The following LRP1B variants were observed in gnomAD, a reference collection of about 807,000 sequenced individuals.
LRP1B encodes low-density lipoprotein receptor-related protein 1B.
In LRP1B, 217 loss-of-function variants were observed where a neutral mutation model predicts 556.6. The observed-to-expected ratio is 0.39, with a 90% CI of 0.35 to 0.44. The LOEUF (loss-of-function observed/expected upper bound fraction) is 0.44. LRP1B is among the 20% of genes least tolerant of loss of function. LRP1B has a pLI of 1.00. For synonymous variants in LRP1B, 2,047 were observed against 1,865.8 expected, an observed-to-expected ratio of 1.10 and a Z score of -2.50; for missense variants, 5,053 against 5,620.8, an observed-to-expected ratio of 0.90 and a Z score of 3.23.
chr2:141,765,127 C>T (rs1046011667), intron 2 of LRP1B, among the ~76,000 whole-genome samples: 4 of 141,042 alleles, frequency 2.8e-5, no homozygotes, highest in South Asian at 2.3e-4. Flanking sequence ...GGAAAGAATT[C>T]GCAAGTAGGT....
At position 140,744,554 on chromosome 2, in the gene LRP1B, C is replaced by A. The variant is rs1025761190; in HGVS notation, c.5758+24659G>T. Among the ~76,000 whole-genome samples the A allele has an allele frequency of 1.2e-4, 19 of 152,200 alleles. 1 individual carries two copies. Among genetic ancestry groups the A allele is most frequent in the Admixed American group, 1.2e-3 (19 of 15,276 alleles). ...GCTCACAGAGCGGCAATTTACTTGT[C>A]TCCTTAGTTCATATCAACATGCTTC... On this transcript the variant is annotated intron_variant, in intron 35 of 90. Coordinates refer to ENST00000389484, the MANE Select transcript of LRP1B (RefSeq NM_018557.3).
At chr2:141,955,259 T>C (rs1241747007) in intron 1 of LRP1B, among the ~76,000 whole-genome samples, 2 of 152,150 alleles carry the variant, frequency 1.3e-5, no homozygotes, top group South Asian at 2.1e-4. Flanking sequence ...TCATTCATCA[T>C]CTCCCTGAAT....
intron 3 of LRP1B, among the ~76,000 whole-genome samples, chr2:141,269,914 T>C (rs976253618): frequency 2.0e-5 from 3 of 151,972 alleles, no homozygotes; most frequent in Non-Finnish European, 4.4e-5. Context: ...AAAGGAATGA[T>C]ATGACAACAG....
Position 142,130,884 on chromosome 2 carries a change from A to G in LRP1B, c.-155T>C, listed in dbSNP as rs766616403. 4.3e-6 allele frequency: 3 copies of G among 694,756 alleles called. No individual in the cohort carries two copies. Among genetic ancestry groups the G allele is most frequent in the Non-Finnish European group, 7.8e-6 (3 of 385,424 alleles). The allele number at this position is 694,756 out of a possible 1,614,324, so 43.0% of individuals were successfully genotyped here. On this transcript the variant is annotated 5_prime_UTR_variant, in exon 1 of 91. Transcript: ENST00000389484. ...ATTCTTCAGCTCAATGAGTCCAGCC[A>G]GTCAGCCTTCTCCTGCCTGGAGCAG... is the stretch of plus-strand genomic sequence containing the variant.
rs868774549 is a variant in LRP1B at position 140,705,560 on chromosome 2, A to C, written c.6024-3007T>G. On this transcript the variant is annotated intron_variant, in intron 37 of 90. Coordinates refer to ENST00000389484, the MANE Select transcript of LRP1B (RefSeq NM_018557.3). ...AAAAAAAAAAAAAAAAAAAAAAAAAACACAGACACACACAGAAAACAAAAT... is the reference window on the plus strand; with the variant it reads ...AAAAAAAAAAAAAAAAAAAAAAAAACCACAGACACACACAGAAAACAAAAT... 3.2e-3 allele frequency among the ~76,000 whole-genome samples: 436 copies of C among 137,974 alleles called. 5 individuals carry two copies. Among genetic ancestry groups the C allele is most frequent in the African/African-American group, 0.012 (422 of 36,536 alleles). The allele number at this position is 137,974 out of a possible 152,430, so 90.5% of individuals were successfully genotyped here.
chr2:141,902,075 A>T (rs938014083), intron 1 of LRP1B, among the ~76,000 whole-genome samples: 14 of 147,474 alleles, frequency 9.5e-5, no homozygotes, highest in African/African-American at 3.5e-4. Flanking sequence ...AAAAAATTAT[A>T]GTTAAAATTT....
chr2:140,922,420 A>G (rs1355279065), intron 21 of LRP1B, among the ~76,000 whole-genome samples: 1 of 151,996 alleles, frequency 6.6e-6, no homozygotes, highest in African/African-American at 2.4e-5. Flanking sequence ...AATGGCAGTC[A>G]GCATCCTCCT....
intron 18 of LRP1B, 67 bp downstream of exon 18, chr2:140,982,093 G>A (rs1696786389): frequency 2.5e-6 from 3 of 1,208,588 alleles, no homozygotes; most frequent in Admixed American, 1.7e-5. Flanking sequence ...CCTTTAAGGA[G>A]GGTGTAGTGG....
intron 3 of LRP1B, among the ~76,000 whole-genome samples, chr2:141,278,604 G>A (rs1685393343): frequency 1.3e-5 from 2 of 152,232 alleles, no homozygotes; most frequent in Non-Finnish European, 2.9e-5. Context: ...CTAAAATGAT[G>A]AGGGTGATCT....
At chr2:141,439,747 C>T (rs1265688600) in intron 3 of LRP1B, among the ~76,000 whole-genome samples, 1 of 152,132 alleles carries the variant, frequency 6.6e-6, no homozygotes, top group Non-Finnish European at 1.5e-5. Flanking sequence ...AAAACACACA[C>T]ACTCACACAC....
chr2:140,421,597 G>A (rs1489663790), intron 66 of LRP1B, among the ~76,000 whole-genome samples: 1 of 152,078 alleles, frequency 6.6e-6, no homozygotes, highest in South Asian at 2.1e-4. Flanking sequence ...ATTGTAGTAT[G>A]CAAAAATGGG....
Position 140,325,878 on chromosome 2 carries a change from CCTGCAAAAT to C in LRP1B, c.12224-9_12224-1del. The C allele has an allele frequency of 6.3e-7, 1 of 1,587,932 alleles. No individual in the cohort carries two copies. The highest frequency in any genetic ancestry group is 8.6e-7 in the Non-Finnish European group (1 of 1,157,702). On this transcript the variant is annotated splice_acceptor_variant and splice_polypyrimidine_tract_variant and intron_variant, in intron 79 of 90. Coordinates refer to ENST00000389484, the MANE Select transcript of LRP1B (RefSeq NM_018557.3). LOFTEE classifies it high-confidence loss of function. ...TTCACTAAAATAATCCACAGCCAAACCTGCAAAATCAACACACACAAGACAAATAGTGCA... is the reference window on the plus strand; with the variant it reads ...TTCACTAAAATAATCCACAGCCAAACCAACACACACAAGACAAATAGTGCA...
intron 3 of LRP1B, among the ~76,000 whole-genome samples, chr2:141,292,205 G>C (rs1169946037): frequency 6.6e-6 from 1 of 152,092 alleles, no homozygotes; most frequent in Non-Finnish European, 1.5e-5. Context: ...GATGATCTGA[G>C]GTGGAACAGC....
At chr2:141,244,621 G>A (rs1573704356) in intron 5 of LRP1B, among the ~76,000 whole-genome samples, 1 of 152,180 alleles carries the variant, frequency 6.6e-6, no homozygotes, top group East Asian at 1.9e-4. Flanking sequence ...TTTTAAACCT[G>A]ATTGCACTAA....
chr2:141,037,700 C>A (rs10186572), intron 11 of LRP1B, among the ~76,000 whole-genome samples: 70,478 of 151,674 alleles, frequency 0.46, 19,649 homozygotes, highest in Non-Finnish European at 0.64. Context: ...TCTAGTGCAA[C>A]AAGGTTGTCC....
intron 2 of LRP1B, among the ~76,000 whole-genome samples, chr2:141,529,082 T>C (rs1684787577): frequency 1.3e-5 from 2 of 152,188 alleles, no homozygotes; most frequent in Non-Finnish European, 2.9e-5. Flanking sequence ...ACCTGAAACA[T>C]GTTTGGCAAC....
chr2:141,204,503 G>A (rs1682185375), intron 6 of LRP1B, among the ~76,000 whole-genome samples: 1 of 152,046 alleles, frequency 6.6e-6, no homozygotes, highest in Non-Finnish European at 1.5e-5. Context: ...ATAGAAATTG[G>A]GGTGTTATTT....
intron 7 of LRP1B, among the ~76,000 whole-genome samples, chr2:141,076,905 C>G (rs1470954273): frequency 1.3e-5 from 2 of 152,078 alleles, no homozygotes; most frequent in African/African-American, 4.8e-5. Flanking sequence ...TAGGTGGATG[C>G]AATGTCTGGT....
intron 7 of LRP1B, among the ~76,000 whole-genome samples, chr2:141,063,029 A>G (rs1699384230): frequency 6.6e-6 from 1 of 151,908 alleles, no homozygotes; most frequent in African/African-American, 2.4e-5. Context: ...ACACTTCAGT[A>G]TCTAATATTT....
Sources: allele counts gnomAD v4.1 joint callset (sites outside exome capture counted in the v4.1 genomes callset), GRCh38; gene constraint gnomAD v4.1.1; transcripts MANE v1.5; gene names NCBI Gene and HGNC (gene_info 2026-07-23, HGNC 2026-07-21).